The following PARD3B variants were observed in gnomAD, a reference collection of about 807,000 sequenced individuals.
PARD3B encodes the protein partitioning defective 3 homolog B.
Under a neutral mutation model 130.2 loss-of-function variants are expected in PARD3B, and 103 were observed. That is an observed-to-expected ratio of 0.79 (90% CI 0.67 to 0.93). PARD3B has a LOEUF of 0.93. Among genes scored for constraint, PARD3B ranks in the 40% least tolerant of loss-of-function variants. The probability of loss-of-function intolerance (pLI) is 0.00; values close to 1 mark genes in which losing one functional copy is unlikely to be tolerated. For missense variants in PARD3B, 1,609 were observed against 1,499.2 expected (o/e 1.07, Z -1.21); for synonymous variants, 583 against 553.2 (o/e 1.05, Z -0.76).
intron 10 of PARD3B, among the ~76,000 whole-genome samples, chr2:205,150,834 G>A (rs1160347003): frequency 6.6e-6 from 1 of 152,122 alleles, no homozygotes; most frequent in African/African-American, 2.4e-5. Flanking sequence ...TAGAATGGTG[G>A]TTACAGGCAC....
chr2:205,024,900 C>A (rs1427556721), intron 3 of PARD3B, among the ~76,000 whole-genome samples: 1 of 152,062 alleles, frequency 6.6e-6, no homozygotes, highest in Non-Finnish European at 1.5e-5. Context: ...CTCAGTGTAA[C>A]CATGGTTTTT....
rs1368140293 is a variant in PARD3B at position 204,545,980 on chromosome 2, C to A, written c.-20C>A. 6 of 1,547,692 alleles carry A rather than the reference C, an allele frequency of 3.9e-6. No individual in the cohort carries two copies. Among genetic ancestry groups the A allele is most frequent in the Non-Finnish European group, 5.2e-6 (6 of 1,146,730 alleles). The stretch of plus-strand genomic sequence containing the variant: ...CAGACACCTGTTCGGCCCGGCCCGG[C>A]GTGGTCGCCGGGGGCCAGGATGAAA... On this transcript the variant is annotated 5_prime_UTR_variant, in exon 1 of 23. Coordinates refer to ENST00000406610, the MANE Select transcript of PARD3B (RefSeq NM_001302769.2).
At chr2:205,529,672 G>A (rs2051498774) in intron 21 of PARD3B, among the ~76,000 whole-genome samples, 1 of 152,050 alleles carries the variant, frequency 6.6e-6, no homozygotes, top group African/African-American at 2.4e-5. Context: ...GTAGCTTTTT[G>A]GACATGCCAT....
chr2:204,588,257 A>G (rs749497944), intron 1 of PARD3B, among the ~76,000 whole-genome samples: 8 of 152,202 alleles, frequency 5.3e-5, no homozygotes, highest in Non-Finnish European at 1.0e-4. Flanking sequence ...CAAGCTAAAC[A>G]ATATCATGGA....
At position 205,366,309 on chromosome 2, in the gene PARD3B, A is replaced by G. The variant is rs1378038377; in HGVS notation, c.2631-34704A>G. ...TAAATTTTTCCTGAATAACCTCAAT[A>G]GACTAATAATCAAGTGTTGACTCAG... On this transcript the variant is annotated intron_variant, in intron 18 of 22. Transcript: ENST00000406610. This position sits in a 1 kb window ranked among gnomAD's most constrained non-coding sequence, Gnocchi z 5.0. Among the ~76,000 whole-genome samples, 2 of 152,192 alleles carry G rather than the reference A, an allele frequency of 1.3e-5. No homozygotes were observed. Among genetic ancestry groups the G allele is most frequent in the Non-Finnish European group, 2.9e-5 (2 of 68,038 alleles).
Position 205,457,743 on chromosome 2 carries a change from A to C in PARD3B, c.3044+17071A>C, listed in dbSNP as rs542614417. 8.6e-5 allele frequency among the ~76,000 whole-genome samples: 13 copies of C among 151,724 alleles called. No homozygotes were observed. In the East Asian group the frequency reaches 2.5e-3, roughly 29 times the overall value. On this transcript the variant is annotated intron_variant, in intron 20 of 22. Coordinates refer to ENST00000406610, the MANE Select transcript of PARD3B (RefSeq NM_001302769.2). The stretch of plus-strand genomic sequence containing the variant: ...AAAGATATCATTCCATTGTTTTCTA[A>C]CTTTCAATGTTTTTATCAAAGTTTG...
intron 1 of PARD3B, among the ~76,000 whole-genome samples, chr2:204,681,223 T>C (rs545512051): frequency 4.6e-5 from 7 of 152,176 alleles, no homozygotes; most frequent in Non-Finnish European, 1.0e-4. Flanking sequence ...TTATCTGATA[T>C]TAGGATTAGT....
rs1473189689 is a variant in PARD3B at position 205,565,683 on chromosome 2, C to A, written c.3260+12280C>A. Among the ~76,000 whole-genome samples the A allele has an allele frequency of 2.0e-5, 3 of 152,156 alleles. No individual in the cohort carries two copies. The South Asian group carries it at 6.2e-4, about 32-fold the overall frequency. ...AGTTCAGTCAGAGCAATGTGTGCAA[C>A]TTATTAGCCTGAACAGATGAGCTAG... On this transcript the variant is annotated intron_variant, in intron 22 of 22. Transcript: ENST00000406610.
intron 18 of PARD3B, among the ~76,000 whole-genome samples, chr2:205,328,431 A>T (rs2043006204): frequency 6.6e-6 from 1 of 152,146 alleles, no homozygotes. Flanking sequence ...CTTGCAGATA[A>T]TAACCCCCTT....
chr2:205,087,714 A>G (rs1030545901), intron 4 of PARD3B, among the ~76,000 whole-genome samples: 4 of 152,206 alleles, frequency 2.6e-5, no homozygotes, highest in Non-Finnish European at 4.4e-5. Context: ...GAATTGGGCA[A>G]TCAACCTGGG....
rs140058978 is a variant in PARD3B at position 204,906,980 on chromosome 2, A to C, written c.223-58172A>C. The stretch of plus-strand genomic sequence containing the variant: ...GCTGATTTTTAAGTGGAAAACATGA[A>C]AGCTTTTTTTTTTCTTTTCAGACTG... On this transcript the variant is annotated intron_variant, in intron 2 of 22. Coordinates refer to ENST00000406610, the MANE Select transcript of PARD3B (RefSeq NM_001302769.2). This position sits in a 1 kb window ranked among gnomAD's most constrained non-coding sequence, Gnocchi z 4.3. 4.3e-4 allele frequency among the ~76,000 whole-genome samples: 65 copies of C among 151,958 alleles called. No individual in the cohort carries two copies. Among genetic ancestry groups the C allele is most frequent in the Admixed American group, 1.1e-3 (17 of 15,246 alleles).
intron 2 of PARD3B, among the ~76,000 whole-genome samples, chr2:204,761,949 T>G (rs1476973572): frequency 6.6e-6 from 1 of 152,088 alleles, no homozygotes; most frequent in Non-Finnish European, 1.5e-5. Context: ...ATTTCAAAAA[T>G]CAGCTTTTGC....
intron 2 of PARD3B, among the ~76,000 whole-genome samples, chr2:204,819,815 C>G (rs2043274920): frequency 6.6e-6 from 1 of 152,146 alleles, no homozygotes; most frequent in Non-Finnish European, 1.5e-5. Flanking sequence ...AAACCAGTCA[C>G]AACATACTCT....
chr2:205,161,977 G>A lies in PARD3B; in HGVS notation c.1620+3070G>A, dbSNP rs555018121. On this transcript the variant is annotated intron_variant, in intron 11 of 22. Coordinates refer to ENST00000406610, the MANE Select transcript of PARD3B (RefSeq NM_001302769.2). ...AAAGATAGGCTACTTCTTGCCAGAT[G>A]TAAAACCCCTGAATACCTCGACTCT... 9.8e-5 allele frequency among the ~76,000 whole-genome samples: 15 copies of A among 152,308 alleles called. No homozygotes were observed. In the South Asian group the frequency reaches 1.9e-3, roughly 19 times the overall value.
At chr2:205,194,410 G>A (rs182543526) in intron 15 of PARD3B, among the ~76,000 whole-genome samples, 41 of 152,302 alleles carry the variant, frequency 2.7e-4, no homozygotes, top group African/African-American at 8.9e-4. Context: ...GCTGTCTTGA[G>A]CACTGGTCAG....
rs1441230599 is a variant in PARD3B at position 205,176,215 on chromosome 2, T to C, written c.1792-230T>C. ...GAATAATAAAGTTAATCCTCTTTTG[T>C]GTTGGCTATCAGCACTCCTAATCCT... On this transcript the variant is annotated intron_variant, in intron 12 of 22. Transcript: ENST00000406610. This position sits in a 1 kb window ranked among gnomAD's most constrained non-coding sequence, Gnocchi z 5.3. Among the ~76,000 whole-genome samples, 1 of 152,210 alleles carries C rather than the reference T, an allele frequency of 6.6e-6. No homozygotes were observed. The highest frequency in any genetic ancestry group is 1.5e-5 in the Non-Finnish European group (1 of 68,032).
rs984092120 is a variant in PARD3B, at chr2:205,584,884, G to T, written c.3261-30572G>T. Among the ~76,000 whole-genome samples, 10 of 151,990 alleles carry T rather than the reference G, an allele frequency of 6.6e-5. No homozygotes were observed. Among genetic ancestry groups the T allele is most frequent in the Admixed American group, 5.2e-4 (8 of 15,274 alleles). On this transcript the variant is annotated intron_variant, in intron 22 of 22. Transcript: ENST00000406610. This position sits in a 1 kb window ranked among gnomAD's most constrained non-coding sequence, Gnocchi z 5.5. Reference sequence around the variant, plus strand: ...GAAAACACTTTTTTCCCCTTAGATTGTACATAATACCAGGCACACCTGGAT... The same window carrying T: ...GAAAACACTTTTTTCCCCTTAGATTTTACATAATACCAGGCACACCTGGAT...
At chr2:205,319,434 C>G (rs2042673568) in intron 18 of PARD3B, among the ~76,000 whole-genome samples, 1 of 152,190 alleles carries the variant, frequency 6.6e-6, no homozygotes, top group Non-Finnish European at 1.5e-5. Context: ...AGTTGTAGGA[C>G]CTTTTTCTTT....
intron 4 of PARD3B, among the ~76,000 whole-genome samples, chr2:205,103,253 A>G (rs944394688): frequency 3.3e-5 from 3 of 89,704 alleles, no homozygotes; most frequent in African/African-American, 1.1e-4. Context: ...TATGTAAAAA[A>G]CATTTTATAT....
Sources: allele counts gnomAD v4.1 joint callset (sites outside exome capture counted in the v4.1 genomes callset), GRCh38; gene constraint gnomAD v4.1.1; non-coding constraint Gnocchi (gnomAD v3.1); transcripts MANE v1.5; gene names NCBI Gene and HGNC (gene_info 2026-07-23, HGNC 2026-07-21).